RFX8: variants seen among roughly 807,000 people sequenced by gnomAD.
RFX8 encodes the protein DNA-binding protein RFX8.
In RFX8, 46 loss-of-function variants were observed where a neutral mutation model predicts 54.6. That is an observed-to-expected ratio of 0.84 (90% CI 0.67 to 1.08). The LOEUF is 1.08. Ranked by LOEUF, RFX8 falls within the 50% of genes least tolerant of loss-of-function variation. RFX8 has a pLI of 0.00. For missense variants in RFX8, 536 were observed against 562.3 expected (o/e 0.95, Z 0.47); for synonymous variants, 192 against 209.5 (o/e 0.92, Z 0.72).
In RFX8 at chr2:101,451,364, A is replaced by G. The variant is rs537711024; in HGVS notation, c.72+15413T>C. On this transcript the variant is annotated intron_variant, in intron 2 of 11. Coordinates refer to ENST00000428343, the MANE Select transcript of RFX8 (RefSeq NM_001145664.2). Reference sequence around the variant, plus strand: ...TGACAATTATGACACAAGGCACTCGATAATACTGGAATTTCTTTTCACGTT... The same window carrying G: ...TGACAATTATGACACAAGGCACTCGGTAATACTGGAATTTCTTTTCACGTT... 5.3e-5 allele frequency among the ~76,000 whole-genome samples: 8 copies of G among 152,290 alleles called. No homozygotes were observed. The East Asian group carries it at 1.5e-3, about 29-fold the overall frequency.
chr2:101,465,487 C>T (rs907464541), intron 2 of RFX8, among the ~76,000 whole-genome samples: 5 of 151,794 alleles, frequency 3.3e-5, no homozygotes, highest in South Asian at 2.1e-4. Context: ...TTCAGCCTGG[C>T]GACAGGGCAA....
intron 7 of RFX8, among the ~76,000 whole-genome samples, chr2:101,413,557 C>T (rs146716333): frequency 3.0e-4 from 46 of 152,274 alleles, no homozygotes; most frequent in Non-Finnish European, 5.6e-4. Context: ...CAACACTGTC[C>T]GACTGCCTGG....
chr2:101,456,230 C>A (rs1688955520), intron 2 of RFX8, among the ~76,000 whole-genome samples: 1 of 152,146 alleles, frequency 6.6e-6, no homozygotes, highest in African/African-American at 2.4e-5. Context: ...ATTGTCCTAG[C>A]CAGAACTTCC....
intron 2 of RFX8, among the ~76,000 whole-genome samples, chr2:101,445,412 A>G (rs2148964126): frequency 6.6e-6 from 1 of 151,526 alleles, no homozygotes; most frequent in South Asian, 2.1e-4. Flanking sequence ...TTTTTTTTTG[A>G]GACAGGGTCT....
chr2:101,447,507 A>G (rs958210517), intron 2 of RFX8, among the ~76,000 whole-genome samples: 11 of 152,174 alleles, frequency 7.2e-5, no homozygotes, highest in Admixed American at 7.2e-4. Context: ...TTTTTAACAT[A>G]CTAATTGTAT....
At chr2:101,421,384 TC>T in intron 4 of RFX8, 1 of 1,021,444 alleles carries the variant, frequency 9.8e-7, no homozygotes, top group Non-Finnish European at 1.2e-6. Flanking sequence ...AAATGGCTCT[TC>T]GGCACCATTG....
At chr2:101,431,726 A>G (rs1015555503) in intron 2 of RFX8, among the ~76,000 whole-genome samples, 1 of 152,138 alleles carries the variant, frequency 6.6e-6, no homozygotes, top group African/African-American at 2.4e-5. Context: ...AATGTTCTCA[A>G]TTATTTTGAG....
At chr2:101,447,966 G>A (rs1257909435) in intron 2 of RFX8, among the ~76,000 whole-genome samples, 2 of 152,230 alleles carry the variant, frequency 1.3e-5, no homozygotes, top group African/African-American at 2.4e-5. Context: ...CATGGCAGAA[G>A]GCAGAAGGAT....
rs1442152824 is a variant in RFX8, at chr2:101,402,646, T to G, written c.1035A>C (p.Glu345Asp). The G allele has an allele frequency of 6.4e-7, 1 of 1,553,998 alleles. No homozygotes were observed. The highest frequency in any genetic ancestry group is 2.4e-5 in the East Asian group (1 of 41,198). The change falls in exon 11 of 12, where the codon GAA becomes GAC. Residue 345 changes from glutamate to aspartate, a missense_variant. Glu to Asp is a conservative substitution (Grantham distance 45). Coordinates refer to ENST00000428343, the MANE Select transcript of RFX8 (RefSeq NM_001145664.2). Reference sequence around the variant, plus strand: ...CGAGAGTCGGGTCATCTGGTAGCATTTCCTTGACAGTCCCCATGTCCTCCT... The same window carrying G: ...CGAGAGTCGGGTCATCTGGTAGCATGTCCTTGACAGTCCCCATGTCCTCCT... The part of the protein sequence containing the change: ...EEEEDMGTVK[E>D]MLPDDPTLGQ...
chr2:101,443,692 A>T (rs1688221153), intron 2 of RFX8, among the ~76,000 whole-genome samples: 3 of 152,030 alleles, frequency 2.0e-5, no homozygotes, highest in Admixed American at 6.6e-5. Flanking sequence ...TCTTCCACAC[A>T]CCCCTGGACT....
chr2:101,429,118 G>T (rs1687347499), intron 2 of RFX8: 1 of 702,166 alleles, frequency 1.4e-6, no homozygotes, highest in Non-Finnish European at 2.5e-6. Flanking sequence ...TTGTTTAGGG[G>T]TATAACTTTT....
intron 2 of RFX8, among the ~76,000 whole-genome samples, chr2:101,439,568 T>C (rs1687971484): frequency 1.3e-5 from 2 of 151,296 alleles, no homozygotes; most frequent in South Asian, 2.1e-4. Flanking sequence ...TTAATTTTCA[T>C]ATACATTATG....
intron 2 of RFX8, among the ~76,000 whole-genome samples, chr2:101,426,510 C>T (rs544551553): frequency 2.0e-5 from 3 of 152,146 alleles, no homozygotes; most frequent in African/African-American, 7.2e-5. Context: ...AAGAGCAAGA[C>T]CTCGTCTCTA....
intron 3 of RFX8, 94 bp downstream of exon 3, chr2:101,422,268 A>T (rs1686909610): frequency 1.4e-6 from 1 of 701,252 alleles, no homozygotes; most frequent in Non-Finnish European, 2.6e-6. Flanking sequence ...ATTCCATGTG[A>T]CACAATCATG....
intron 2 of RFX8, among the ~76,000 whole-genome samples, chr2:101,456,380 A>G (rs1254179190): frequency 6.6e-6 from 1 of 152,154 alleles, no homozygotes; most frequent in Admixed American, 6.6e-5. Context: ...ATTTTGAGAT[A>G]CGTTCCATCA....
intron 2 of RFX8, among the ~76,000 whole-genome samples, chr2:101,462,135 A>G (rs1281340282): frequency 6.6e-6 from 1 of 152,134 alleles, no homozygotes; most frequent in African/African-American, 2.4e-5. Context: ...CCAATAAGGG[A>G]TATGGTTAGG....
intron 1 of RFX8, among the ~76,000 whole-genome samples, chr2:101,471,539 G>A (rs1689991386): frequency 6.6e-6 from 1 of 152,158 alleles, no homozygotes; most frequent in Non-Finnish European, 1.5e-5. Flanking sequence ...TACAACCAGG[G>A]CTCAGCATGC....
At chr2:101,459,832 G>A (rs1461450069) in intron 2 of RFX8, among the ~76,000 whole-genome samples, 1 of 152,216 alleles carries the variant, frequency 6.6e-6, no homozygotes, top group East Asian at 1.9e-4. Context: ...GCTATGCCCT[G>A]CCCACAGAGG....
intron 1 of RFX8, among the ~76,000 whole-genome samples, chr2:101,468,402 T>G (rs1483475180): frequency 1.3e-5 from 2 of 152,228 alleles, no homozygotes; most frequent in Non-Finnish European, 2.9e-5. Context: ...GCCTGTGTCT[T>G]ACACAGCCTT....
Sources: allele counts gnomAD v4.1 joint callset (sites outside exome capture counted in the v4.1 genomes callset), GRCh38; gene constraint gnomAD v4.1.1; transcripts MANE v1.5; gene names NCBI Gene and HGNC (gene_info 2026-07-23, HGNC 2026-07-21).